The following ITPR1 variants were observed in gnomAD, a reference collection of about 807,000 sequenced individuals.
ITPR1 encodes the protein inositol 1,4,5-trisphosphate-gated calcium channel ITPR1.
In ITPR1, 96 loss-of-function variants were observed where a neutral mutation model predicts 318.4. The observed-to-expected ratio is 0.30, with a 90% CI of 0.26 to 0.36. The LOEUF (loss-of-function observed/expected upper bound fraction) is 0.36. ITPR1 is among the 10% of genes least tolerant of loss of function. The probability of loss-of-function intolerance (pLI) is 1.00; values close to 1 mark genes in which losing one functional copy is unlikely to be tolerated. For synonymous variants in ITPR1, 1,312 were observed against 1,289.9 expected (o/e 1.02, Z -0.37); for missense variants, 2,440 against 3,460.2 (o/e 0.71, Z 7.40).
chr3:4,588,282 G>A (rs1161236243), intron 4 of ITPR1, among the ~76,000 whole-genome samples: 1 of 151,800 alleles, frequency 6.6e-6, no homozygotes, highest in Admixed American at 6.5e-5. Context: ...TTACCAGAAT[G>A]CTCTGTAACT....
intron 10 of ITPR1, among the ~76,000 whole-genome samples, chr3:4,649,948 A>G (rs752151980): frequency 5.3e-5 from 8 of 152,208 alleles, no homozygotes; most frequent in Admixed American, 2.0e-4. Flanking sequence ...TCCTAATACT[A>G]TAACCTTATG....
rs146059579 is a variant in ITPR1, at chr3:4,533,538, G to A, written c.163+12444G>A. Among the ~76,000 whole-genome samples, 871 of 152,366 alleles carry A rather than the reference G, an allele frequency of 5.7e-3. 6 individuals carry two copies. The highest frequency in any genetic ancestry group is 0.027 in the Middle Eastern group (8 of 294). On this transcript the variant is annotated intron_variant, in intron 4 of 61. Coordinates refer to ENST00000649015, the MANE Select transcript of ITPR1 (RefSeq NM_001378452.1). ...CAATACAGCCTCAGCACTCAGTGAAGAGTGGCTATTGTGACTGAATTTGCA... is the reference window on the plus strand; with the variant it reads ...CAATACAGCCTCAGCACTCAGTGAAAAGTGGCTATTGTGACTGAATTTGCA...
At chr3:4,708,849 A>G (rs775016280) in intron 37 of ITPR1, among the ~76,000 whole-genome samples, 29 of 152,324 alleles carry the variant, frequency 1.9e-4, no homozygotes, top group Non-Finnish European at 2.6e-4. Context: ...GACCACTTCT[A>G]TAATTAATCC....
intron 4 of ITPR1, among the ~76,000 whole-genome samples, chr3:4,583,487 T>C (rs2089567678): frequency 6.6e-6 from 1 of 152,210 alleles, no homozygotes; most frequent in South Asian, 2.1e-4. Context: ...AGGCCTCTCC[T>C]TGGCAAAATG....
At chr3:4,838,068 C>A (rs1331752494) in intron 61 of ITPR1, among the ~76,000 whole-genome samples, 1 of 152,126 alleles carries the variant, frequency 6.6e-6, no homozygotes, top group Non-Finnish European at 1.5e-5. Flanking sequence ...GTTTACAGAG[C>A]ATTTTTAATC....
chr3:4,835,232 G>A (rs1026989977), intron 60 of ITPR1, among the ~76,000 whole-genome samples: 1 of 151,566 alleles, frequency 6.6e-6, no homozygotes, highest in Admixed American at 6.6e-5. Flanking sequence ...ATTGCTAGAT[G>A]GCCCTAGGTC....
intron 4 of ITPR1, among the ~76,000 whole-genome samples, chr3:4,569,178 C>A (rs560707222): frequency 6.6e-6 from 1 of 152,218 alleles, no homozygotes; most frequent in Admixed American, 6.5e-5. Flanking sequence ...GGACTTTTAT[C>A]TTGTAGAATC....
At chr3:4,812,852 C>G (rs1313264188) in intron 56 of ITPR1, among the ~76,000 whole-genome samples, 1 of 152,132 alleles carries the variant, frequency 6.6e-6, no homozygotes, top group Non-Finnish European at 1.5e-5. Flanking sequence ...AGAGTCTGTA[C>G]GTTCAGTAGT....
rs117095616 is a variant in ITPR1, at chr3:4,739,443, C to T, written c.5544+4089C>T. Among the ~76,000 whole-genome samples the T allele has an allele frequency of 1.1e-4, 17 of 152,276 alleles. No homozygotes were observed. In the East Asian group the frequency reaches 2.7e-3, roughly 24 times the overall value. On this transcript the variant is annotated intron_variant, in intron 44 of 61. Coordinates refer to ENST00000649015, the MANE Select transcript of ITPR1 (RefSeq NM_001378452.1). Reference sequence around the variant, plus strand: ...AGTTGCAGGGAAGCAGGCAGGCCTACACAGTTCCAGAAATGTATACAGTCT... The same window carrying T: ...AGTTGCAGGGAAGCAGGCAGGCCTATACAGTTCCAGAAATGTATACAGTCT...
intron 40 of ITPR1, among the ~76,000 whole-genome samples, chr3:4,719,637 T>G (rs146516369): frequency 6.8e-4 from 103 of 152,298 alleles, no homozygotes; most frequent in Admixed American, 1.4e-3. Context: ...CGCCATGCTT[T>G]GATCATAAAG....
intron 2 of ITPR1, among the ~76,000 whole-genome samples, chr3:4,504,855 G>C (rs2081287981): frequency 6.6e-6 from 1 of 152,168 alleles, no homozygotes; most frequent in African/African-American, 2.4e-5. Flanking sequence ...ATGTACCTGG[G>C]TGAGGGCATC....
intron 23 of ITPR1, 96 bp downstream of exon 23, chr3:4,675,344 T>C: frequency 1.2e-6 from 1 of 839,826 alleles, no homozygotes; most frequent in Non-Finnish European, 1.8e-6. Context: ...ACATCCTTTC[T>C]TTGTTCATTC....
intron 2 of ITPR1, among the ~76,000 whole-genome samples, chr3:4,512,756 C>A (rs918122341): frequency 1.3e-5 from 2 of 152,282 alleles, no homozygotes; most frequent in Admixed American, 6.5e-5. Flanking sequence ...ACCCATTGCT[C>A]ACCACAGCCT....
chr3:4,722,028 G>A (rs2042200902), intron 40 of ITPR1, among the ~76,000 whole-genome samples: 1 of 152,132 alleles, frequency 6.6e-6, no homozygotes, highest in African/African-American at 2.4e-5. Context: ...GATCAGTGTC[G>A]CATATGCATA....
At chr3:4,545,897 A>G (rs935923293) in intron 4 of ITPR1, among the ~76,000 whole-genome samples, 8 of 151,792 alleles carry the variant, frequency 5.3e-5, no homozygotes, top group African/African-American at 1.9e-4. Context: ...GGATCTCACT[A>G]TGTTACCAAG....
chr3:4,681,300 G>A, intron 25 of ITPR1, 64 bp from the exon 26 acceptor site: 1 of 1,109,518 alleles, frequency 9.0e-7, no homozygotes, highest in Non-Finnish European at 1.4e-6. Flanking sequence ...ACTTATGGAT[G>A]AGTTCACCAG....
intron 40 of ITPR1, among the ~76,000 whole-genome samples, chr3:4,724,727 C>T (rs548001129): frequency 2.0e-5 from 3 of 152,192 alleles, no homozygotes; most frequent in Non-Finnish European, 4.4e-5. Flanking sequence ...TCTCCAGGCA[C>T]ACCTTTGTGT....
At chr3:4,558,641 T>G (rs1038351928) in intron 4 of ITPR1, among the ~76,000 whole-genome samples, 1 of 152,178 alleles carries the variant, frequency 6.6e-6, no homozygotes, top group Non-Finnish European at 1.5e-5. Context: ...CAGTTTAATC[T>G]TTTTAAAAGG....
chr3:4,828,054 C>G (rs945840353), intron 60 of ITPR1, among the ~76,000 whole-genome samples: 33 of 152,004 alleles, frequency 2.2e-4, no homozygotes, highest in Admixed American at 2.2e-3. Flanking sequence ...AGTATAAAAG[C>G]CCATCAGATG....
Sources: gnomAD v4.1 joint callset for allele counts (sites outside exome capture counted in the v4.1 genomes callset) on GRCh38, gnomAD v4.1.1 for gene constraint, MANE v1.5 for transcripts, NCBI Gene and HGNC (gene_info 2026-07-23, HGNC 2026-07-21) for gene names.